The following CFAP77 variants were observed in gnomAD, a reference collection of about 807,000 sequenced individuals.
CFAP77 encodes the protein cilia- and flagella-associated protein 77.
Under a neutral mutation model 31.1 loss-of-function variants are expected in CFAP77, and 25 were observed. The observed-to-expected ratio is 0.80, with a 90% CI of 0.59 to 1.12. The LOEUF is 1.12. CFAP77 is among the 50% of genes most tolerant of loss of function. CFAP77 has a pLI of 0.00. For synonymous variants in CFAP77, 151 were observed against 159.9 expected, an observed-to-expected ratio of 0.94 and a Z score of 0.42; for missense variants, 377 against 397.3, an observed-to-expected ratio of 0.95 and a Z score of 0.44.
At chr9:132,536,848 C>T (rs1564244643) in intron 3 of CFAP77, among the ~76,000 whole-genome samples, 1 of 152,176 alleles carries the variant, frequency 6.6e-6, no homozygotes. Flanking sequence ...GCTTCCCGTG[C>T]TGCTCTGGGA....
At chr9:132,459,238 AT>A (rs1339192865) in intron 1 of CFAP77, among the ~76,000 whole-genome samples, 3 of 151,760 alleles carry the variant, frequency 2.0e-5, no homozygotes, top group African/African-American at 7.3e-5. Flanking sequence ...CGCCCAGCTA[AT>A]TTTTTGTATT....
At chr9:132,494,140 G>A (rs1483211750) in intron 1 of CFAP77, among the ~76,000 whole-genome samples, 1 of 152,122 alleles carries the variant, frequency 6.6e-6, no homozygotes, top group Admixed American at 6.5e-5. Flanking sequence ...TCAAATTCCT[G>A]GGCTCAAATT....
intron 1 of CFAP77, among the ~76,000 whole-genome samples, chr9:132,484,485 A>G (rs1158382872): frequency 6.6e-6 from 1 of 152,188 alleles, no homozygotes; most frequent in East Asian, 1.9e-4. Context: ...GGGTTCATAC[A>G]TGTGGCCTTT....
intron 3 of CFAP77, among the ~76,000 whole-genome samples, chr9:132,531,211 T>C (rs965182737): frequency 6.6e-6 from 1 of 152,210 alleles, no homozygotes; most frequent in Non-Finnish European, 1.5e-5. Flanking sequence ...CCGCCATGTG[T>C]CCTCTCTTTC....
chr9:132,446,054 T>C (rs186254726), intron 1 of CFAP77, among the ~76,000 whole-genome samples: 3 of 152,186 alleles, frequency 2.0e-5, no homozygotes. Flanking sequence ...TTGACCCTTA[T>C]GTAGCTGTTC....
chr9:132,415,574 C>G (rs1474820010), intron 1 of CFAP77, among the ~76,000 whole-genome samples: 1 of 152,250 alleles, frequency 6.6e-6, no homozygotes, highest in East Asian at 1.9e-4. Context: ...TTTCCTATTA[C>G]GTGGCTCTCA....
chr9:132,531,803 C>T (rs1485961956), intron 3 of CFAP77, among the ~76,000 whole-genome samples: 7 of 152,190 alleles, frequency 4.6e-5, no homozygotes, highest in Admixed American at 3.9e-4. Context: ...CGTTGGGACT[C>T]CCAGGGTTTG....
At chr9:132,442,671 G>A (rs1850632083) in intron 1 of CFAP77, among the ~76,000 whole-genome samples, 2 of 148,970 alleles carry the variant, frequency 1.3e-5, no homozygotes, top group Non-Finnish European at 3.0e-5. Flanking sequence ...TTTTTTCATC[G>A]AGGCAAAATT....
At chr9:132,535,084 A>C (rs1182278858) in intron 3 of CFAP77, among the ~76,000 whole-genome samples, 3 of 152,222 alleles carry the variant, frequency 2.0e-5, no homozygotes, top group African/African-American at 7.2e-5. Context: ...AGTTGTTGTC[A>C]CTTCTAGACT....
intron 5 of CFAP77, among the ~76,000 whole-genome samples, chr9:132,569,541 G>C (rs191013632): frequency 1.1e-4 from 17 of 152,208 alleles, no homozygotes; most frequent in African/African-American, 4.1e-4. Flanking sequence ...AAATATGCCT[G>C]TGTTCTAAAA....
chr9:132,464,967 G>A (rs1444586482), intron 1 of CFAP77, among the ~76,000 whole-genome samples: 1 of 151,370 alleles, frequency 6.6e-6, no homozygotes, highest in Non-Finnish European at 1.5e-5. Context: ...CCAGCTACTC[G>A]GGAGGTTGAG....
Position 132,423,405 on chromosome 9 carries a change from C to G in CFAP77, c.195+12939C>G, listed in dbSNP as rs112014385. ...TGATCAGCTGACGCTCCAGTTTGCC[C>G]ACTGACAGCTGCTGCCCTCTGTGCA... is the stretch of plus-strand genomic sequence containing the variant. On this transcript the variant is annotated intron_variant, in intron 1 of 5. Coordinates refer to ENST00000393216, the MANE Select transcript of CFAP77 (RefSeq NM_001282957.2). Among the ~76,000 whole-genome samples the G allele has an allele frequency of 1.9e-3, 296 of 152,348 alleles. 1 individual carries two copies. The highest frequency in any genetic ancestry group is 6.3e-3 in the African/African-American group (262 of 41,588).
rs1852830951 is a variant in CFAP77, at chr9:132,552,060, G to A, written c.732+9013G>A. Among the ~76,000 whole-genome samples, 1 of 152,264 alleles carries A rather than the reference G, an allele frequency of 6.6e-6. No homozygotes were observed. The highest frequency in any genetic ancestry group is 2.4e-5 in the African/African-American group (1 of 41,474). The stretch of plus-strand genomic sequence containing the variant: ...GGCCCCAAGGCTAAAAAGGAAAGAG[G>A]CGGCTGATCCCGGATTCAGGCTTAC... On this transcript the variant is annotated intron_variant, in intron 5 of 5. Transcript: ENST00000393216. The surrounding 1 kb of genome is among the most constrained non-coding windows in gnomAD (Gnocchi z 5.5).
chr9:132,455,560 T>C lies in CFAP77; in HGVS notation c.196-43135T>C, dbSNP rs1449360979. Among the ~76,000 whole-genome samples the C allele has an allele frequency of 2.0e-5, 3 of 149,916 alleles. No individual in the cohort carries two copies. Among genetic ancestry groups the C allele is most frequent in the Non-Finnish European group, 3.0e-5 (2 of 67,670 alleles). On this transcript the variant is annotated intron_variant, in intron 1 of 5. Transcript: ENST00000393216. This position sits in a 1 kb window ranked among gnomAD's most constrained non-coding sequence, Gnocchi z 4.1. ...GCCTGGGCAACATGGCGAGACCCTATCTCTACTAAAAATACAAAAAAATAG... is the reference window on the plus strand; with the variant it reads ...GCCTGGGCAACATGGCGAGACCCTACCTCTACTAAAAATACAAAAAAATAG...
At chr9:132,571,511 C>A (rs1287516286) in intron 5 of CFAP77, among the ~76,000 whole-genome samples, 2 of 152,182 alleles carry the variant, frequency 1.3e-5, no homozygotes, top group Non-Finnish European at 2.9e-5. Context: ...GAGGGTAGAG[C>A]CGAGTCTCTC....
rs560646380 is a variant in CFAP77 at position 132,540,984 on chromosome 9, A to G, written c.631-1962A>G. Among the ~76,000 whole-genome samples, 5 of 152,266 alleles carry G rather than the reference A, an allele frequency of 3.3e-5. No homozygotes were observed. In the South Asian group the frequency reaches 1.0e-3, roughly 32 times the overall value. Reference sequence around the variant, plus strand: ...ACCAACCTCGTAATCTTGCTCCAAGATTCTCTGTGGCTGCTATATTGTCCT... The same window carrying G: ...ACCAACCTCGTAATCTTGCTCCAAGGTTCTCTGTGGCTGCTATATTGTCCT... On this transcript the variant is annotated intron_variant, in intron 4 of 5. Transcript: ENST00000393216.
intron 1 of CFAP77, among the ~76,000 whole-genome samples, chr9:132,479,189 C>A (rs1851402323): frequency 6.6e-6 from 1 of 152,194 alleles, no homozygotes; most frequent in African/African-American, 2.4e-5. Flanking sequence ...TACTCAGAAT[C>A]TTTACCTTAG....
intron 1 of CFAP77, among the ~76,000 whole-genome samples, chr9:132,489,610 T>C (rs1028428653): frequency 6.6e-6 from 1 of 152,216 alleles, no homozygotes; most frequent in African/African-American, 2.4e-5. Context: ...ACACAAATGT[T>C]GATCCTGTTC....
chr9:132,485,336 G>C (rs1305149679), intron 1 of CFAP77, among the ~76,000 whole-genome samples: 2 of 152,104 alleles, frequency 1.3e-5, no homozygotes, highest in African/African-American at 4.8e-5. Flanking sequence ...CTATTTTCTA[G>C]GTAAGAAAAC....
Sources: allele counts gnomAD v4.1 joint callset (sites outside exome capture counted in the v4.1 genomes callset), GRCh38; gene constraint gnomAD v4.1.1; non-coding constraint Gnocchi (gnomAD v3.1); transcripts MANE v1.5; gene names NCBI Gene and HGNC (gene_info 2026-07-23, HGNC 2026-07-21).